GLS: variants seen among roughly 807,000 people sequenced by gnomAD.
GLS encodes the protein glutaminase, also known as glutaminase kidney isoform, mitochondrial.
GLS carries 36 observed loss-of-function variants against 86.7 expected under a neutral mutation model. The observed-to-expected ratio is 0.42, with a 90% CI of 0.32 to 0.55. The LOEUF (loss-of-function observed/expected upper bound fraction) is 0.55, where lower values mean the gene tolerates loss of function less well. Among genes scored for constraint, GLS ranks in the 20% least tolerant of loss-of-function variants. GLS has a pLI of 0.17. For synonymous variants in GLS, 317 were observed against 305.9 expected, an observed-to-expected ratio of 1.04 and a Z score of -0.38; for missense variants, 528 against 833.4, an observed-to-expected ratio of 0.63 and a Z score of 4.51.
At chr2:190,893,649 G>C (rs1037880240) in intron 1 of GLS, among the ~76,000 whole-genome samples, 1 of 152,098 alleles carries the variant, frequency 6.6e-6, no homozygotes, top group Non-Finnish European at 1.5e-5. Context: ...GTGGTGGCAC[G>C]ATCTTGGCTC....
Position 190,935,639 on chromosome 2 carries a change from T to G in GLS, c.1650+4002T>G, listed in dbSNP as rs1690250374. The stretch of plus-strand genomic sequence containing the variant: ...AACCCTATTTGTAGGTTATTTCTGC[T>G]TTCTGAGGAGGAATATTGTTGTTAT... On this transcript the variant is annotated intron_variant, in intron 14 of 17. Coordinates refer to ENST00000320717, the MANE Select transcript of GLS (RefSeq NM_014905.5). This position sits in a 1 kb window ranked among gnomAD's most constrained non-coding sequence, Gnocchi z 4.2. Among the ~76,000 whole-genome samples, 3 of 151,330 alleles carry G rather than the reference T, an allele frequency of 2.0e-5. No homozygotes were observed. The highest frequency in any genetic ancestry group is 2.0e-4 in the Admixed American group (3 of 15,198).
At chr2:190,932,316 T>C (rs1413924454) in intron 14 of GLS, among the ~76,000 whole-genome samples, 1 of 151,942 alleles carries the variant, frequency 6.6e-6, no homozygotes, top group Non-Finnish European at 1.5e-5. Flanking sequence ...AGTTTTTCAC[T>C]GTACCAAGGG....
rs1690660260 is a variant in GLS, at chr2:190,949,446, C to T, written c.1651-4119C>T. On this transcript the variant is annotated intron_variant, in intron 14 of 17. Transcript: ENST00000320717. The surrounding 1 kb of genome is among the most constrained non-coding windows in gnomAD (Gnocchi z 4.0). ...CAGGGGCTCACACCTGTAATCCCTA[C>T]ACTTTGGGAGGCTGAGGCAGGCAGA... Among the ~76,000 whole-genome samples the T allele has an allele frequency of 6.6e-6, 1 of 152,150 alleles. No homozygotes were observed. The highest frequency in any genetic ancestry group is 1.5e-5 in the Non-Finnish European group (1 of 68,012).
chr2:190,937,714 C>T (rs368344966), intron 14 of GLS, among the ~76,000 whole-genome samples: 17 of 151,118 alleles, frequency 1.1e-4, no homozygotes, highest in South Asian at 1.0e-3. Context: ...TTAAATATGC[C>T]ATGTATAGAA....
At chr2:190,927,550 A>G (rs1689939650) in intron 12 of GLS, 68 bp downstream of exon 12, 3 of 1,127,584 alleles carry the variant, frequency 2.7e-6, no homozygotes, top group African/African-American at 1.6e-5. Flanking sequence ...TTAAAAATGC[A>G]GTTTGAACTT....
intron 3 of GLS, among the ~76,000 whole-genome samples, chr2:190,899,090 AT>A (rs1377779224): frequency 6.6e-6 from 1 of 152,216 alleles, no homozygotes; most frequent in Non-Finnish European, 1.5e-5. Context: ...AAGATCAGGA[AT>A]TCTATTTTTC....
At chr2:190,909,691 A>G (rs191875403) in intron 6 of GLS, among the ~76,000 whole-genome samples, 2 of 152,370 alleles carry the variant, frequency 1.3e-5, no homozygotes, top group East Asian at 3.9e-4. Flanking sequence ...GTAACTTTAA[A>G]ATTATATAAG....
chr2:190,939,189 C>T (rs1223123163), intron 14 of GLS, among the ~76,000 whole-genome samples: 1 of 151,544 alleles, frequency 6.6e-6, no homozygotes, highest in Admixed American at 6.6e-5. Context: ...CCTAATTTGT[C>T]TGTTTATTTA....
chr2:190,949,039 G>A lies in GLS; in HGVS notation c.1651-4526G>A, dbSNP rs1427200987. Among the ~76,000 whole-genome samples, 3 of 152,056 alleles carry A rather than the reference G, an allele frequency of 2.0e-5. No homozygotes were observed. Among genetic ancestry groups the A allele is most frequent in the Admixed American group, 6.5e-5 (1 of 15,270 alleles). ...GACTGACAGCAAGGAAGGGACTTTC[G>A]GGCTAGTCTTTGAGGGAAGGGAAGG... On this transcript the variant is annotated intron_variant, in intron 14 of 17. Transcript: ENST00000320717. This position sits in a 1 kb window ranked among gnomAD's most constrained non-coding sequence, Gnocchi z 4.0.
intron 14 of GLS, among the ~76,000 whole-genome samples, chr2:190,939,767 A>G (rs1030130514): frequency 2.6e-5 from 4 of 151,920 alleles, no homozygotes; most frequent in Non-Finnish European, 1.5e-5. Context: ...ACTTTCTTCT[A>G]TTAAATGAGA....
In GLS at chr2:190,951,591, C is replaced by T. The variant is rs1012504920; in HGVS notation, c.1651-1974C>T. Among the ~76,000 whole-genome samples, 4 of 151,960 alleles carry T rather than the reference C, an allele frequency of 2.6e-5. No individual in the cohort carries two copies. Among genetic ancestry groups the T allele is most frequent in the Non-Finnish European group, 2.9e-5 (2 of 67,994 alleles). Reference sequence around the variant, plus strand: ...AAATGAGGAAGCTTTTTACTTTGAGCGATGAAAACAGTTTTTATCTTTTTA... The same window carrying T: ...AAATGAGGAAGCTTTTTACTTTGAGTGATGAAAACAGTTTTTATCTTTTTA... On this transcript the variant is annotated intron_variant, in intron 14 of 17. Transcript: ENST00000320717. This position sits in a 1 kb window ranked among gnomAD's most constrained non-coding sequence, Gnocchi z 4.2.
chr2:190,886,553 G>A (rs1688384832), intron 1 of GLS, among the ~76,000 whole-genome samples: 1 of 152,146 alleles, frequency 6.6e-6, no homozygotes, highest in South Asian at 2.1e-4. Context: ...TTAGTCCAAA[G>A]ATAAATGTCA....
intron 7 of GLS, among the ~76,000 whole-genome samples, chr2:190,910,693 G>A (rs1689328812): frequency 6.6e-6 from 1 of 150,474 alleles, no homozygotes; most frequent in Admixed American, 6.6e-5. Context: ...TAGAATTAAA[G>A]GCATTTTACT....
intron 7 of GLS, among the ~76,000 whole-genome samples, chr2:190,912,487 A>G (rs1031541836): frequency 3.3e-5 from 5 of 152,050 alleles, no homozygotes; most frequent in Non-Finnish European, 5.9e-5. Flanking sequence ...TCATATAAAT[A>G]TCTATAATGT....
chr2:190,916,453 C>A (rs1465518460), intron 7 of GLS, among the ~76,000 whole-genome samples: 2 of 151,946 alleles, frequency 1.3e-5, no homozygotes, highest in Non-Finnish European at 2.9e-5. Flanking sequence ...ATGTGCTTTT[C>A]CTAAGAGCTT....
intron 14 of GLS, chr2:190,933,616 G>A: frequency 1.1e-6 from 1 of 946,062 alleles, no homozygotes; most frequent in Non-Finnish European, 1.3e-6. Flanking sequence ...AGCTATAATG[G>A]TTAGTTACTC....
In GLS at chr2:190,895,345, G is replaced by A. The variant is rs1334599295; in HGVS notation, c.483+97G>A. The stretch of plus-strand genomic sequence containing the variant: ...TATAGTCTTAAAGGTCGTCTGACAT[G>A]TAGATTCTGACTGACAATATTTCTC... On this transcript the variant is annotated intron_variant, in intron 2 of 17. Coordinates refer to ENST00000320717, the MANE Select transcript of GLS (RefSeq NM_014905.5). The surrounding 1 kb of genome is among the most constrained non-coding windows in gnomAD (Gnocchi z 4.2). 5 of 571,952 alleles carry A rather than the reference G, an allele frequency of 8.7e-6. No homozygotes were observed. The highest frequency in any genetic ancestry group is 1.2e-5 in the Non-Finnish European group (4 of 323,164). 35.4% of individuals were successfully genotyped at this position (571,952 alleles called of 1,614,324 possible). A position where few individuals can be genotyped will look rare whatever the true frequency, so the allele number is the denominator to read the frequency against.
At chr2:190,948,720 TA>T (rs1380297133) in intron 14 of GLS, among the ~76,000 whole-genome samples, 1 of 152,206 alleles carries the variant, frequency 6.6e-6, no homozygotes, top group Non-Finnish European at 1.5e-5. Flanking sequence ...GGTCATGTGT[TA>T]TAGTGCCATA....
chr2:190,921,321 T>A lies in GLS; in HGVS notation c.1130+118T>A. On this transcript the variant is annotated intron_variant, in intron 9 of 17. Coordinates refer to ENST00000320717, the MANE Select transcript of GLS (RefSeq NM_014905.5). This position sits in a 1 kb window ranked among gnomAD's most constrained non-coding sequence, Gnocchi z 4.2. ...TTCTAAATTACCTGACAGAAACACT[T>A]AAAAATACTTTAAATAGTTTTGACA... The A allele has an allele frequency of 1.3e-6, 1 of 753,768 alleles. No homozygotes were observed. The highest frequency in any genetic ancestry group is 2.3e-6 in the Non-Finnish European group (1 of 437,118). 46.7% of individuals were successfully genotyped at this position (753,768 alleles called of 1,614,324 possible).
Sources: allele counts gnomAD v4.1 joint callset (sites outside exome capture counted in the v4.1 genomes callset), GRCh38; gene constraint gnomAD v4.1.1; non-coding constraint Gnocchi (gnomAD v3.1); transcripts MANE v1.5; gene names NCBI Gene and HGNC (gene_info 2026-07-23, HGNC 2026-07-21).